The following MGMT variants were observed in gnomAD, a reference collection of about 807,000 sequenced individuals.
The protein encoded by MGMT is methylated-DNA--protein-cysteine methyltransferase.
In MGMT, 14 loss-of-function variants were observed where a neutral mutation model predicts 15.9. That is an observed-to-expected ratio of 0.88 (90% confidence interval 0.58 to 1.37). MGMT has a LOEUF of 1.37. MGMT is among the 40% of genes most tolerant of loss of function. The pLI, the probability that MGMT is intolerant of heterozygous loss-of-function variation, is 0.00. For synonymous variants in MGMT, 130 were observed against 118.2 expected (o/e 1.10, Z -0.65); for missense variants, 282 against 268.1 (o/e 1.05, Z -0.36).
At chr10:129,681,600 C>G (rs1847853366) in intron 2 of MGMT, among the ~76,000 whole-genome samples, 1 of 152,186 alleles carries the variant, frequency 6.6e-6, no homozygotes, top group Non-Finnish European at 1.5e-5. Flanking sequence ...GACCTTTGAA[C>G]AACACAGACT....
rs142838170 is a variant in MGMT at position 129,653,138 on chromosome 10, T to C, written c.126-54757T>C. Among the ~76,000 whole-genome samples the C allele has an allele frequency of 1.5e-3, 226 of 152,328 alleles. 2 individuals are homozygous for C. The highest frequency in any genetic ancestry group is 5.3e-3 in the African/African-American group (221 of 41,584). On this transcript the variant is annotated intron_variant, in intron 2 of 4. Coordinates refer to ENST00000651593, the MANE Select transcript of MGMT (RefSeq NM_002412.5). ...CCGGGTTATACACAGCCTTTCCTTG[T>C]CTTTATTTCTAGACACCCTTTATTT...
Position 129,767,009 on chromosome 10 carries a change from A to C in MGMT, c.*12A>C, listed in dbSNP as rs1165421782. ...CTGGCCGAAACTGAGTATGTGCAGT[A>C]GGATGGATGTTTGAGCGACACACAC... On this transcript the variant is annotated 3_prime_UTR_variant, in exon 5 of 5. Coordinates refer to ENST00000651593, the MANE Select transcript of MGMT (RefSeq NM_002412.5). 6.3e-7 allele frequency: 1 copy of C among 1,575,232 alleles called. No homozygotes were observed.
At position 129,646,711 on chromosome 10, in the gene MGMT, C is replaced by T. The variant is rs535059263; in HGVS notation, c.126-61184C>T. Reference sequence around the variant, plus strand: ...TTGTCTCCTTCCAGAAGCCTGCTGCCCATCAGAAATATATATATATATATA... The same window carrying T: ...TTGTCTCCTTCCAGAAGCCTGCTGCTCATCAGAAATATATATATATATATA... On this transcript the variant is annotated intron_variant, in intron 2 of 4. Transcript: ENST00000651593. Among the ~76,000 whole-genome samples, 22 of 93,238 alleles carry T rather than the reference C, an allele frequency of 2.4e-4. No homozygotes were observed. The South Asian group carries it at 7.1e-3, about 30-fold the overall frequency. 61.2% of individuals were successfully genotyped at this position (93,238 alleles called of 152,430 possible). A position where few individuals can be genotyped will look rare whatever the true frequency, so the allele number is the denominator to read the frequency against.
At chr10:129,587,372 T>C (rs1846629860) in intron 2 of MGMT, among the ~76,000 whole-genome samples, 1 of 151,052 alleles carries the variant, frequency 6.6e-6, no homozygotes, top group Non-Finnish European at 1.5e-5. Flanking sequence ...TGTTTTTGAG[T>C]TCACTAATCT....
chr10:129,607,532 C>T (rs1027220346), intron 2 of MGMT, among the ~76,000 whole-genome samples: 3 of 152,142 alleles, frequency 2.0e-5, no homozygotes, highest in African/African-American at 7.2e-5. Context: ...TCCACTGTGC[C>T]GCACAGCATG....
At chr10:129,540,882 G>C (rs976869089) in intron 2 of MGMT, among the ~76,000 whole-genome samples, 21 of 152,314 alleles carry the variant, frequency 1.4e-4, no homozygotes, top group Admixed American at 1.3e-3. Flanking sequence ...ATCTCGGGGT[G>C]CTCCCACCTG....
chr10:129,471,821 G>C (rs1845234716), intron 1 of MGMT, among the ~76,000 whole-genome samples: 1 of 152,194 alleles, frequency 6.6e-6, no homozygotes, highest in Non-Finnish European at 1.5e-5. Flanking sequence ...GGCAAGATCC[G>C]AGTCCCCCTT....
At chr10:129,721,432 T>C (rs1363138285) in intron 3 of MGMT, among the ~76,000 whole-genome samples, 1 of 152,234 alleles carries the variant, frequency 6.6e-6, no homozygotes, top group African/African-American at 2.4e-5. Context: ...CAGACAACTA[T>C]TGGGGAACTA....
intron 3 of MGMT, among the ~76,000 whole-genome samples, chr10:129,746,879 T>C (rs1242189750): frequency 6.6e-6 from 1 of 152,218 alleles, no homozygotes; most frequent in Admixed American, 6.5e-5. Flanking sequence ...TAAATTCTTC[T>C]AGGGTTTTTT....
At chr10:129,474,627 A>G (rs1845269358) in intron 1 of MGMT, among the ~76,000 whole-genome samples, 1 of 152,174 alleles carries the variant, frequency 6.6e-6, no homozygotes, top group Admixed American at 6.5e-5. Flanking sequence ...CGGTGGACCC[A>G]GGCTCATTAC....
At chr10:129,704,769 C>T (rs1347644008) in intron 2 of MGMT, among the ~76,000 whole-genome samples, 1 of 151,976 alleles carries the variant, frequency 6.6e-6, no homozygotes, top group Non-Finnish European at 1.5e-5. Context: ...GTGCATCTCA[C>T]CCAAAAAGGT....
intron 2 of MGMT, among the ~76,000 whole-genome samples, chr10:129,640,858 C>A (rs1847320715): frequency 6.6e-6 from 1 of 152,064 alleles, no homozygotes; most frequent in African/African-American, 2.4e-5. Flanking sequence ...TGAAGATAAA[C>A]CTGTGTTAAT....
chr10:129,656,583 C>T (rs1033376230), intron 2 of MGMT, among the ~76,000 whole-genome samples: 3 of 152,098 alleles, frequency 2.0e-5, no homozygotes, highest in South Asian at 2.1e-4. Context: ...GTCGGGGCAC[C>T]GCTTGGTTTT....
intron 2 of MGMT, among the ~76,000 whole-genome samples, chr10:129,678,842 T>G (rs1046911835): frequency 9.9e-5 from 15 of 151,626 alleles, no homozygotes; most frequent in Non-Finnish European, 2.2e-4. Flanking sequence ...GAGGCCGAGG[T>G]GGGTAGATCA....
chr10:129,585,733 G>T (rs777792675), intron 2 of MGMT, among the ~76,000 whole-genome samples: 1 of 152,120 alleles, frequency 6.6e-6, no homozygotes, highest in African/African-American at 2.4e-5. Context: ...GGTTGAGTCC[G>T]TGAGTCCGTG....
chr10:129,626,195 C>T (rs914640619), intron 2 of MGMT, among the ~76,000 whole-genome samples: 4 of 152,146 alleles, frequency 2.6e-5, no homozygotes, highest in East Asian at 3.9e-4. Context: ...TATCAGCCTG[C>T]GTGTAAGCAT....
intron 3 of MGMT, among the ~76,000 whole-genome samples, chr10:129,710,151 C>T (rs1445637007): frequency 6.6e-6 from 1 of 152,144 alleles, no homozygotes; most frequent in Admixed American, 6.5e-5. Flanking sequence ...GCTTCCTGGG[C>T]TGGCAGGTCA....
At chr10:129,525,492 C>T (rs1230765018) in intron 1 of MGMT, among the ~76,000 whole-genome samples, 1 of 152,178 alleles carries the variant, frequency 6.6e-6, no homozygotes, top group Non-Finnish European at 1.5e-5. Context: ...TTTAATAAGA[C>T]GCACGTGCCT....
At chr10:129,657,707 GCACACACA>G (rs57838117) in intron 2 of MGMT, among the ~76,000 whole-genome samples, 1 of 111,470 alleles carries the variant, frequency 9.0e-6, no homozygotes, top group Non-Finnish European at 2.0e-5. Flanking sequence ...ACACACACAC[GCACACACA>G]CACACACACA....
Sources: gnomAD v4.1 joint callset for allele counts (sites outside exome capture counted in the v4.1 genomes callset) on GRCh38, gnomAD v4.1.1 for gene constraint, MANE v1.5 for transcripts, NCBI Gene and HGNC (gene_info 2026-07-23, HGNC 2026-07-21) for gene names.